The following RGR variants were observed in gnomAD, a reference collection of about 807,000 sequenced individuals.
RGR encodes RPE-retinal G protein-coupled receptor.
RGR carries 30 observed loss-of-function variants against 28.6 expected under a neutral mutation model. The observed-to-expected ratio is 1.05, with a 90% CI of 0.78 to 1.42. The LOEUF (loss-of-function observed/expected upper bound fraction) is 1.42. Among genes scored for constraint, RGR ranks in the 40% most tolerant of loss-of-function variants. The pLI is 0.00. For synonymous variants in RGR, 180 were observed against 156.4 expected, an observed-to-expected ratio of 1.15 and a Z score of -1.13; for missense variants, 404 against 375.6, an observed-to-expected ratio of 1.08 and a Z score of -0.62.
Position 84,257,939 on chromosome 10 carries a change from C to T in RGR, c.677C>T (p.Pro226Leu). 6.2e-7 allele frequency: 1 copy of T among 1,614,210 alleles called. No individual in the cohort carries two copies. The highest frequency in any genetic ancestry group is 8.5e-7 in the Non-Finnish European group (1 of 1,180,046). The change falls in exon 6 of 7, where the codon CCC (proline) becomes CTC (leucine). Residue 226 changes from proline (P) to leucine (L), a missense_variant. Physicochemically the swap from Pro to Leu is moderately conservative, Grantham distance 98. Coordinates refer to ENST00000652092, the MANE Select transcript of RGR (RefSeq NM_001012720.2). ...AGGACGCTGCTGCTCGGCTGGGGCC[C>T]CTATGCCATCCTGTATCTATACGCA... ...PARTLLLGWG[P>L]YAILYLYAVI...
At chr10:84,245,668 A>G (rs1842738570) in intron 1 of RGR, among the ~76,000 whole-genome samples, 2 of 152,262 alleles carry the variant, frequency 1.3e-5, no homozygotes, top group South Asian at 2.1e-4. Flanking sequence ...TAAATGGGAT[A>G]ATGGGTATAA....
intron 3 of RGR, chr10:84,250,344 C>T (rs1168038308): frequency 2.8e-6 from 2 of 717,378 alleles, no homozygotes; most frequent in Non-Finnish European, 5.2e-6. Context: ...TGAAAATTCA[C>T]TGCCCCTCAT....
chr10:84,256,143 A>G (rs1842884555), intron 5 of RGR, among the ~76,000 whole-genome samples: 1 of 123,328 alleles, frequency 8.1e-6, no homozygotes, highest in Non-Finnish European at 1.6e-5. Context: ...ATCTCGGCTC[A>G]CTGCAACCTC....
intron 3 of RGR, among the ~76,000 whole-genome samples, chr10:84,252,260 C>T (rs1460025604): frequency 2.0e-5 from 3 of 152,296 alleles, no homozygotes; most frequent in African/African-American, 4.8e-5. Flanking sequence ...CAGAGGGTGT[C>T]CTGGAAGCAG....
chr10:84,247,519 A>G, intron 1 of RGR, 72 bp from the exon 2 acceptor site: 1 of 1,566,590 alleles, frequency 6.4e-7, no homozygotes, highest in Non-Finnish European at 8.8e-7. Context: ...TGTTCCATCC[A>G]CCCCACACAC....
chr10:84,258,890 T>A lies in RGR; in HGVS notation c.*251T>A. The A allele has an allele frequency of 2.0e-6, 1 of 508,544 alleles. No individual in the cohort carries two copies. The highest frequency in any genetic ancestry group is 3.6e-6 in the Non-Finnish European group (1 of 280,730). The allele number at this position is 508,544 out of a possible 1,614,324, so 31.5% of individuals were successfully genotyped here. A position where few individuals can be genotyped will look rare whatever the true frequency, so the allele number is the denominator to read the frequency against. ...GAAAGTCATTCCTTTTTAAAAATAATAATAAATGTAAGGGGGTACAGTGCA... is the reference window on the plus strand; with the variant it reads ...GAAAGTCATTCCTTTTTAAAAATAAAAATAAATGTAAGGGGGTACAGTGCA... On this transcript the variant is annotated 3_prime_UTR_variant, in exon 7 of 7. Transcript: ENST00000652092.
intron 6 of RGR, 123 bp downstream of exon 6, chr10:84,258,129 T>G: frequency 2.2e-6 from 2 of 930,048 alleles, no homozygotes; most frequent in Non-Finnish European, 3.4e-6. Context: ...TTTCTTCCTT[T>G]GGATACTCAC....
chr10:84,257,369 C>T (rs1842901320), intron 5 of RGR, among the ~76,000 whole-genome samples: 1 of 152,206 alleles, frequency 6.6e-6, no homozygotes, highest in African/African-American at 2.4e-5. Context: ...GGTTCTAGGA[C>T]TGAGGCCTGA....
intron 6 of RGR, 62 bp downstream of exon 6, chr10:84,258,068 C>T: frequency 2.2e-6 from 3 of 1,389,338 alleles, no homozygotes; most frequent in Non-Finnish European, 3.1e-6. Flanking sequence ...TGTCTCATCT[C>T]ATCTCACTTT....
At chr10:84,248,900 T>C (rs963904940) in intron 2 of RGR, 22 bp from the exon 3 acceptor site, 2 of 1,614,208 alleles carry the variant, frequency 1.2e-6, no homozygotes, top group South Asian at 1.1e-5. Context: ...GAGAGGTCAC[T>C]GGTGCCCAGT....
In RGR at chr10:84,247,585, T is replaced by C. The variant is rs753360603; in HGVS notation, c.80-6T>C. On this transcript the variant is annotated splice_region_variant and splice_polypyrimidine_tract_variant and intron_variant, in intron 1 of 6. Coordinates refer to ENST00000652092, the MANE Select transcript of RGR (RefSeq NM_001012720.2). ...CCCCAATGCCAGCCCCCACCCTTCC[T>C]TTCAGCTCTCTCCGGTCTCAGCCTC... 2 of 1,614,086 alleles carry C rather than the reference T, an allele frequency of 1.2e-6. No homozygotes were observed. The highest frequency in any genetic ancestry group is 2.2e-5 in the South Asian group (2 of 91,084).
At position 84,252,901 on chromosome 10, in the gene RGR, G is replaced by A. The variant is rs758023821; in HGVS notation, c.403G>A (p.Val135Met). ...CTCAGCCGTCTCTCTGGTGCTCTTC[G>A]TGTGGCTGTCTTCTGCCTTCTGGGC... is the stretch of plus-strand genomic sequence containing the variant. Reference protein sequence around the residue: ...WNSAVSLVLFVWLSSAFWAAL... With the variant: ...WNSAVSLVLFMWLSSAFWAAL... The change falls in exon 4 of 7, where the codon GTG becomes ATG. Residue 135 changes from valine (V) to methionine (M), a missense_variant. Val to Met is a conservative substitution (Grantham distance 21). Coordinates refer to ENST00000652092, the MANE Select transcript of RGR (RefSeq NM_001012720.2). 24 of 1,613,954 alleles carry A rather than the reference G, an allele frequency of 1.5e-5. No homozygotes were observed. The highest frequency in any genetic ancestry group is 2.2e-5 in the East Asian group (1 of 44,884).
rs370459802 is a variant in RGR at position 84,259,500 on chromosome 10, C to T, written c.*861C>T. The T allele has an allele frequency of 2.6e-5, 4 of 152,238 alleles. No homozygotes were observed. In the South Asian group the frequency reaches 6.2e-4, roughly 24 times the overall value. The allele number at this position is 152,238 out of a possible 1,614,324, so 9.4% of individuals were successfully genotyped here. ...CATAGGGGTTGTACTAATTTACAGT[C>T]CCACCAACAGTGTATAGGTGTTCCC... On this transcript the variant is annotated 3_prime_UTR_variant, in exon 7 of 7. Coordinates refer to ENST00000652092, the MANE Select transcript of RGR (RefSeq NM_001012720.2).
intron 4 of RGR, among the ~76,000 whole-genome samples, chr10:84,253,613 T>C (rs1842847078): frequency 6.6e-6 from 1 of 152,176 alleles, no homozygotes; most frequent in Non-Finnish European, 1.5e-5. Context: ...CTCCAGCCCC[T>C]CTTGCTTCCA....
intron 3 of RGR, chr10:84,250,517 TACACACACACACACACACACAC>T: frequency 3.3e-6 from 2 of 606,500 alleles, no homozygotes; most frequent in South Asian, 1.8e-5. Context: ...GACCATCTTA[TACACACACACACACACACACAC>T]ACACACACAC....
Position 84,254,312 on chromosome 10 carries a change from C to A in RGR, c.513-14C>A. The stretch of plus-strand genomic sequence containing the variant: ...TGAGAGCTAACCCCAATCCTCCACC[C>A]GCTCTCCCTGTAGAAACTTCACCAG... On this transcript the variant is annotated splice_polypyrimidine_tract_variant and intron_variant, in intron 4 of 6. Transcript: ENST00000652092. 6.2e-7 allele frequency: 1 copy of A among 1,610,356 alleles called. No homozygotes were observed. The highest frequency in any genetic ancestry group is 8.5e-7 in the Non-Finnish European group (1 of 1,176,552).
rs767562697 is a variant in RGR, at chr10:84,259,709, T to G, written c.*1070T>G. The G allele has an allele frequency of 3.9e-5, 6 of 152,218 alleles. No homozygotes were observed. The highest frequency in any genetic ancestry group is 8.8e-5 in the Non-Finnish European group (6 of 68,036). 9.4% of individuals were successfully genotyped at this position (152,218 alleles called of 1,614,324 possible). A position where few individuals can be genotyped will look rare whatever the true frequency, so the allele number is the denominator to read the frequency against. On this transcript the variant is annotated 3_prime_UTR_variant, in exon 7 of 7. Coordinates refer to ENST00000652092, the MANE Select transcript of RGR (RefSeq NM_001012720.2). ...GTATTCTTTTTGAAAAAATGTTTAT[T>G]CATGTCTTTTGCCCACTTTTTAATG...
chr10:84,258,675 C>T lies in RGR; in HGVS notation c.*36C>T, dbSNP rs542811325. On this transcript the variant is annotated 3_prime_UTR_variant, in exon 7 of 7. Coordinates refer to ENST00000652092, the MANE Select transcript of RGR (RefSeq NM_001012720.2). ...CTGGAGTGAGCCCCAGGCCAGGAGG[C>T]TGTTCCAGGAGTCCTGCCCAGCAGC... 5.0e-6 allele frequency: 8 copies of T among 1,613,388 alleles called. No individual in the cohort carries two copies. Among genetic ancestry groups the T allele is most frequent in the Non-Finnish European group, 6.8e-6 (8 of 1,179,764 alleles).
chr10:84,249,016 T>G lies in RGR; in HGVS notation c.331T>G (p.Trp111Gly). 6.8e-6 allele frequency: 11 copies of G among 1,613,994 alleles called. No homozygotes were observed. Among genetic ancestry groups the G allele is most frequent in the Non-Finnish European group, 8.5e-6 (10 of 1,179,926 alleles). ...ASICSSAAIA[W>G]GRYHHYCTRS... ...CATCTGCAGCAGTGCAGCCATCGCA[T>G]GGGGGCGTTATCACCACTACTGCAC... The change falls in exon 3 of 7, where the codon TGG becomes GGG. Residue 111 changes from tryptophan to glycine, a missense_variant. Transcript: ENST00000652092.
Sources: gnomAD v4.1 joint callset for allele counts (sites outside exome capture counted in the v4.1 genomes callset) on GRCh38, gnomAD v4.1.1 for gene constraint, MANE v1.5 for transcripts, NCBI Gene and HGNC (gene_info 2026-07-23, HGNC 2026-07-21) for gene names.